The following SCN2A variants were observed in gnomAD, a reference collection of about 807,000 sequenced individuals.
The protein encoded by SCN2A is sodium voltage-gated channel alpha subunit 2.
SCN2A carries 20 observed loss-of-function variants against 188.7 expected under a neutral mutation model. The observed-to-expected ratio is 0.11, with a 90% CI of 0.07 to 0.15. The LOEUF (loss-of-function observed/expected upper bound fraction) is 0.15, where lower values mean the gene tolerates loss of function less well. Ranked by LOEUF, SCN2A falls within the 10% of genes least tolerant of loss-of-function variation. The pLI is 1.00. For missense variants in SCN2A, 1,278 were observed against 2,445.0 expected (o/e 0.52, Z 10.07); for synonymous variants, 804 against 833.1 (o/e 0.97, Z 0.60).
chr2:165,301,684 A>C (rs1444142978), intron 3 of SCN2A, among the ~76,000 whole-genome samples: 1 of 152,178 alleles, frequency 6.6e-6, no homozygotes, highest in Admixed American at 6.5e-5. Context: ...AATAGCTAAA[A>C]TTCTAGCAGC....
intron 16 of SCN2A, among the ~76,000 whole-genome samples, chr2:165,349,054 A>G (rs1699752479): frequency 6.6e-6 from 1 of 152,262 alleles, no homozygotes; most frequent in Non-Finnish European, 1.5e-5. Flanking sequence ...TTGCTTTCAG[A>G]AAAGTATAAG....
intron 1 of SCN2A, among the ~76,000 whole-genome samples, chr2:165,242,609 G>A (rs1693671294): frequency 6.6e-6 from 1 of 152,152 alleles, no homozygotes; most frequent in South Asian, 2.1e-4. Flanking sequence ...GTTTTAAGAA[G>A]TTTGCCAGGG....
At chr2:165,306,155 T>A (rs1412984716) in intron 3 of SCN2A, among the ~76,000 whole-genome samples, 1 of 152,162 alleles carries the variant, frequency 6.6e-6, no homozygotes, top group Non-Finnish European at 1.5e-5. Context: ...GTCTCTTCTC[T>A]GTAAAGTAGA....
intron 3 of SCN2A, among the ~76,000 whole-genome samples, chr2:165,307,062 T>C (rs1308786521): frequency 6.6e-6 from 1 of 152,164 alleles, no homozygotes; most frequent in African/African-American, 2.4e-5. Context: ...TGGCTATACC[T>C]GCAAAGACAA....
chr2:165,360,566 T>G (rs746289169), intron 17 of SCN2A, among the ~76,000 whole-genome samples: 1 of 151,928 alleles, frequency 6.6e-6, no homozygotes, highest in Non-Finnish European at 1.5e-5. Flanking sequence ...TCAAGTAATA[T>G]TTCCACCTGA....
At chr2:165,322,589 G>A (rs1698132542) in intron 11 of SCN2A, among the ~76,000 whole-genome samples, 1 of 152,150 alleles carries the variant, frequency 6.6e-6, no homozygotes, top group Non-Finnish European at 1.5e-5. Flanking sequence ...TATTCATGAA[G>A]ACCATCATAA....
At chr2:165,360,741 A>G (rs1307518563) in intron 17 of SCN2A, among the ~76,000 whole-genome samples, 1 of 152,010 alleles carries the variant, frequency 6.6e-6, no homozygotes, top group African/African-American at 2.4e-5. Context: ...AAGTACAGGT[A>G]ATTAAAAAGT....
intron 1 of SCN2A, among the ~76,000 whole-genome samples, chr2:165,291,441 T>TCTTC (rs1238134176): frequency 9.4e-3 from 215 of 22,850 alleles, no homozygotes; most frequent in Non-Finnish European, 0.015. Flanking sequence ...TCTTTCTCTT[T>TCTTC]CTTTCTTTCT....
At chr2:165,291,035 C>CTTTTTTTTTTTTTTTTTTTTTTTT (rs55979694) in intron 1 of SCN2A, among the ~76,000 whole-genome samples, 1 of 79,970 alleles carries the variant, frequency 1.3e-5, no homozygotes, top group Admixed American at 1.9e-4. Flanking sequence ...TCTTTTCTTT[C>CTTTTTTTTTTTTTTTTTTTTTTTT]TTTTTTTTTT....
At position 165,351,871 on chromosome 2, in the gene SCN2A, GT is replaced by G. The variant is rs3030633; in HGVS notation, c.2920-2305del. 3.7e-3 allele frequency among the ~76,000 whole-genome samples: 499 copies of G among 135,728 alleles called. 1 individual carries two copies. The highest frequency in any genetic ancestry group is 8.7e-3 in the African/African-American group (311 of 35,652). 89.0% of individuals were successfully genotyped at this position (135,728 alleles called of 152,430 possible). On this transcript the variant is annotated intron_variant, in intron 16 of 26. Coordinates refer to ENST00000375437, the MANE Select transcript of SCN2A (RefSeq NM_001040142.2). ...CCAATCTATCAGTAAAGCTGTGCTT[GT>G]TTTTTTTTTTTTTTTAAAGAATCCA...
At chr2:165,324,094 A>G (rs1698227594) in intron 12 of SCN2A, among the ~76,000 whole-genome samples, 1 of 152,218 alleles carries the variant, frequency 6.6e-6, no homozygotes, top group South Asian at 2.1e-4. Flanking sequence ...AGCAGATTCC[A>G]ATTTTTATAT....
rs562925855 is a variant in SCN2A at position 165,250,077 on chromosome 2, G to A, written c.-52+10437G>A. Among the ~76,000 whole-genome samples, 31 of 152,104 alleles carry A rather than the reference G, an allele frequency of 2.0e-4. No homozygotes were observed. In the East Asian group the frequency reaches 6.0e-3, roughly 29 times the overall value. ...CTGCACCTATCTCTACACTTGTAAT[G>A]TGAAGTAGCCAGATATATGTGGACC... On this transcript the variant is annotated intron_variant, in intron 1 of 26. Transcript: ENST00000375437.
intron 1 of SCN2A, chr2:165,270,493 T>C (rs1024918662): frequency 2.9e-4 from 44 of 152,260 alleles, no homozygotes; most frequent in African/African-American, 1.0e-3. Flanking sequence ...TATTTTACTT[T>C]CCTTTTAAAA....
At chr2:165,339,699 A>G (rs1014602111) in intron 14 of SCN2A, among the ~76,000 whole-genome samples, 8 of 152,324 alleles carry the variant, frequency 5.3e-5, no homozygotes, top group Admixed American at 2.6e-4. Flanking sequence ...TGTTCATGCA[A>G]TGGAAGATTC....
intron 17 of SCN2A, among the ~76,000 whole-genome samples, chr2:165,364,052 T>C (rs542009174): frequency 3.3e-5 from 5 of 152,300 alleles, no homozygotes; most frequent in African/African-American, 1.2e-4. Flanking sequence ...AATATAAATA[T>C]AACATTTACA....
At position 165,370,222 on chromosome 2, in the gene SCN2A, C is replaced by A; in HGVS notation, c.3772C>A (p.Leu1258Met). 1 of 1,614,038 alleles carries A rather than the reference C, an allele frequency of 6.2e-7. No homozygotes were observed. Among genetic ancestry groups the A allele is most frequent in the South Asian group, 1.1e-5 (1 of 91,084 alleles). ...CACTTACATATTCATTCTGGAAATG[C>A]TGCTAAAGTGGGTTGCATATGGTTT... is the stretch of plus-strand genomic sequence containing the variant. ...VFTYIFILEM[L>M]LKWVAYGFQV... The change falls in exon 20 of 27, where the codon CTG (leucine) becomes ATG (methionine). Residue 1258 changes from leucine (L) to methionine (M), a missense_variant. Leu to Met is a conservative substitution (Grantham distance 15). Transcript: ENST00000375437.
In SCN2A at chr2:165,315,504, G is replaced by A; in HGVS notation, c.1417G>A (p.Asp473Asn). 1 of 1,613,942 alleles carries A rather than the reference G, an allele frequency of 6.2e-7. No individual in the cohort carries two copies. Among genetic ancestry groups the A allele is most frequent in the Non-Finnish European group, 8.5e-7 (1 of 1,179,874 alleles). The part of the protein sequence containing the change: ...AAAAASAESR[D>N]FSGAGGIGVF... ...TGCAGCCGCATCTGCTGAATCAAGAGACTTCAGTGGTGCTGGTGGGATAGG... is the reference window on the plus strand; with the variant it reads ...TGCAGCCGCATCTGCTGAATCAAGAAACTTCAGTGGTGCTGGTGGGATAGG... The change falls in exon 11 of 27, where the codon GAC becomes AAC. Residue 473 changes from aspartate to asparagine, a missense_variant. Physicochemically the swap from Asp to Asn is conservative, Grantham distance 23 (BLOSUM62 1). Coordinates refer to ENST00000375437, the MANE Select transcript of SCN2A (RefSeq NM_001040142.2).
chr2:165,344,597 A>G lies in SCN2A; in HGVS notation c.2605A>G (p.Met869Val), dbSNP rs902980567. 1 of 1,614,144 alleles carries G rather than the reference A, an allele frequency of 6.2e-7. No homozygotes were observed. The highest frequency in any genetic ancestry group is 8.5e-7 in the Non-Finnish European group (1 of 1,180,012). ...KLAKSWPTLNMLIKIIGNSVG... is the reference protein window; with the variant it reads ...KLAKSWPTLNVLIKIIGNSVG... Reference sequence around the variant, plus strand: ...GGCAAAATCTTGGCCAACTCTAAATATGCTAATTAAGATCATTGGCAATTC... The same window carrying G: ...GGCAAAATCTTGGCCAACTCTAAATGTGCTAATTAAGATCATTGGCAATTC... Residue 869 changes from methionine (M) to valine (V), a missense_variant, in exon 16 of 27, where the codon ATG (methionine) becomes GTG (valine). Physicochemically the swap from Met to Val is conservative, Grantham distance 21. Around this residue, in one of 17 missense-constraint regions of SCN2A, gnomAD observed 83 missense variants for 256.8 expected, o/e 0.32. Coordinates refer to ENST00000375437, the MANE Select transcript of SCN2A (RefSeq NM_001040142.2).
chr2:165,268,543 A>G (rs1197539918), intron 1 of SCN2A: 2 of 152,216 alleles, frequency 1.3e-5, no homozygotes, highest in Non-Finnish European at 2.9e-5. Flanking sequence ...CCTCAAAGTA[A>G]TAAAAGCCAT....
Sources: gnomAD v4.1 joint callset for allele counts (sites outside exome capture counted in the v4.1 genomes callset) on GRCh38, gnomAD v4.1.1 for gene constraint, gnomAD v4.1.1 regional missense constraint, MANE v1.5 for transcripts, NCBI Gene and HGNC (gene_info 2026-07-23, HGNC 2026-07-21) for gene names.